Variants in DLG2 observed in about 807,000 individuals in gnomAD.
DLG2 encodes the protein discs large MAGUK scaffold protein 2.
DLG2 carries 45 observed loss-of-function variants against 132.5 expected under a neutral mutation model. That is an observed-to-expected ratio of 0.34 (90% CI 0.27 to 0.44). The LOEUF (loss-of-function observed/expected upper bound fraction) is 0.44. Among genes scored for constraint, DLG2 ranks in the 20% least tolerant of loss-of-function variants. The pLI is 1.00. For synonymous variants in DLG2, 424 were observed against 419.6 expected (o/e 1.01, Z -0.13); for missense variants, 1,045 against 1,196.9 (o/e 0.87, Z 1.87).
At chr11:84,514,726 T>C (rs770426242) in intron 7 of DLG2, among the ~76,000 whole-genome samples, 4 of 151,832 alleles carry the variant, frequency 2.6e-5, no homozygotes, top group African/African-American at 4.8e-5. Flanking sequence ...GTTGTATAGT[T>C]AGAGTGAATA....
chr11:84,184,810 C>T (rs2096241847), intron 8 of DLG2, among the ~76,000 whole-genome samples: 2 of 152,028 alleles, frequency 1.3e-5, no homozygotes, highest in African/African-American at 4.8e-5. Flanking sequence ...TTTCCCAGCA[C>T]CATTTATTAA....
At position 83,458,873 on chromosome 11, in the gene DLG2, C is replaced by G. The variant is rs1420298667; in HGVS notation, c.*945G>C. On this transcript the variant is annotated 3_prime_UTR_variant, in exon 28 of 28. Transcript: ENST00000376104. Reference sequence around the variant, plus strand: ...AGGGATGTGCTGCATGAGAGTGTATCACTAATGTGGAAGGGAGGTAAGTGA... The same window carrying G: ...AGGGATGTGCTGCATGAGAGTGTATGACTAATGTGGAAGGGAGGTAAGTGA... 6.6e-6 allele frequency: 1 copy of G among 152,164 alleles called. No individual in the cohort carries two copies. The highest frequency in any genetic ancestry group is 1.5e-5 in the Non-Finnish European group (1 of 68,032). The allele number at this position is 152,164 out of a possible 1,614,324, so 9.4% of individuals were successfully genotyped here.
At chr11:85,421,588 T>C (rs2090315692) in intron 3 of DLG2, among the ~76,000 whole-genome samples, 1 of 152,024 alleles carries the variant, frequency 6.6e-6, no homozygotes, top group Non-Finnish European at 1.5e-5. Flanking sequence ...AGGCAGCATA[T>C]AGTTGGTTAG....
intron 17 of DLG2, among the ~76,000 whole-genome samples, chr11:83,817,418 G>A (rs2049334121): frequency 6.6e-6 from 1 of 152,180 alleles, no homozygotes; most frequent in East Asian, 1.9e-4. Context: ...ACATGACAGA[G>A]AAAAGACTGA....
At chr11:83,733,373 T>C (rs1339131909) in intron 18 of DLG2, among the ~76,000 whole-genome samples, 1 of 151,438 alleles carries the variant, frequency 6.6e-6, no homozygotes, top group Non-Finnish European at 1.5e-5. Flanking sequence ...AATCTCTCCA[T>C]ACTGCATATC....
chr11:83,962,445 T>C (rs988050163), intron 14 of DLG2, among the ~76,000 whole-genome samples: 1 of 152,054 alleles, frequency 6.6e-6, no homozygotes, highest in Non-Finnish European at 1.5e-5. Context: ...CCAAATGTAA[T>C]GACCAGTTAA....
chr11:85,121,899 C>G (rs2074367439), intron 5 of DLG2, among the ~76,000 whole-genome samples: 1 of 152,084 alleles, frequency 6.6e-6, no homozygotes. Context: ...TATATGTGCA[C>G]ATGAGTCTAT....
chr11:85,101,067 G>C (rs2070769120), intron 6 of DLG2, among the ~76,000 whole-genome samples: 1 of 152,100 alleles, frequency 6.6e-6, no homozygotes, highest in South Asian at 2.1e-4. Context: ...CAAGATATAA[G>C]GTTGTAATAT....
intron 6 of DLG2, among the ~76,000 whole-genome samples, chr11:84,804,763 A>C (rs753989878): frequency 1.8e-4 from 27 of 152,168 alleles, no homozygotes; most frequent in Non-Finnish European, 3.4e-4. Context: ...CTGTGACCCT[A>C]ACCCCACCCA....
intron 7 of DLG2, among the ~76,000 whole-genome samples, chr11:84,484,103 T>C (rs967501367): frequency 3.9e-5 from 6 of 152,210 alleles, no homozygotes; most frequent in African/African-American, 1.4e-4. Flanking sequence ...AATATCCACT[T>C]CCTCTCTACT....
At chr11:84,892,038 C>T (rs1326839025) in intron 6 of DLG2, among the ~76,000 whole-genome samples, 1 of 152,126 alleles carries the variant, frequency 6.6e-6, no homozygotes, top group African/African-American at 2.4e-5. Flanking sequence ...ATTTAAATGG[C>T]ACCTTATAAC....
At position 83,596,717 on chromosome 11, in the gene DLG2, G is replaced by A. The variant is rs372071698; in HGVS notation, c.1940+36494C>T. Among the ~76,000 whole-genome samples, 20 of 152,200 alleles carry A rather than the reference G, an allele frequency of 1.3e-4. No homozygotes were observed. In the South Asian group the frequency reaches 3.1e-3, roughly 24 times the overall value. ...AAAAAATTCAGTCTGCAGTTTCCAC[G>A]TTTTAATCCCATTATGTTCATTGTT... On this transcript the variant is annotated intron_variant, in intron 19 of 27. Coordinates refer to ENST00000376104, the MANE Select transcript of DLG2 (RefSeq NM_001142699.3).
chr11:83,597,444 T>C (rs2057781299), intron 19 of DLG2, among the ~76,000 whole-genome samples: 1 of 152,128 alleles, frequency 6.6e-6, no homozygotes, highest in African/African-American at 2.4e-5. Context: ...TCCCAGTACT[T>C]TGGGAGGCCG....
At chr11:84,156,161 C>A (rs1596303108) in intron 9 of DLG2, among the ~76,000 whole-genome samples, 2 of 152,068 alleles carry the variant, frequency 1.3e-5, no homozygotes, top group Admixed American at 1.3e-4. Context: ...GAGTATAATT[C>A]CACAAATTCC....
intron 11 of DLG2, among the ~76,000 whole-genome samples, chr11:84,039,396 A>G (rs1440046400): frequency 8.4e-6 from 1 of 118,690 alleles, no homozygotes; most frequent in Non-Finnish European, 1.7e-5. Context: ...CAGTCCCCAG[A>G]GTGTGATATT....
intron 3 of DLG2, among the ~76,000 whole-genome samples, chr11:85,383,121 T>C (rs988727793): frequency 2.6e-5 from 4 of 152,104 alleles, no homozygotes; most frequent in Admixed American, 1.3e-4. Context: ...ATATAGTCTA[T>C]CCATACAACA....
chr11:85,118,234 CTCTTTTGT>C (rs2073903593), intron 5 of DLG2, among the ~76,000 whole-genome samples: 1 of 152,014 alleles, frequency 6.6e-6, no homozygotes, highest in Non-Finnish European at 1.5e-5. Flanking sequence ...ATGAATTTGC[CTCTTTTGT>C]AAATGAAGAA....
chr11:84,591,034 C>A (rs2154530568), intron 6 of DLG2, among the ~76,000 whole-genome samples: 1 of 152,210 alleles, frequency 6.6e-6, no homozygotes, highest in East Asian at 1.9e-4. Context: ...TAGTGCCACA[C>A]AAAAGTTTCT....
chr11:84,953,961 T>C (rs1487391731), intron 6 of DLG2, among the ~76,000 whole-genome samples: 2 of 152,132 alleles, frequency 1.3e-5, no homozygotes, highest in Non-Finnish European at 1.5e-5. Flanking sequence ...AGTATATACA[T>C]TGTTCCCTCT....
Sources: allele counts gnomAD v4.1 joint callset (sites outside exome capture counted in the v4.1 genomes callset), GRCh38; gene constraint gnomAD v4.1.1; transcripts MANE v1.5; gene names NCBI Gene and HGNC (gene_info 2026-07-23, HGNC 2026-07-21).